UNC13C: variants seen among roughly 807,000 people sequenced by gnomAD.
The protein encoded by UNC13C is protein unc-13 homolog C.
In UNC13C, 174 loss-of-function variants were observed where a neutral mutation model predicts 245.4. The ratio of observed to expected loss-of-function variants is 0.71; its 90% CI spans 0.63 to 0.80. The LOEUF (loss-of-function observed/expected upper bound fraction) is 0.80. Among genes scored for constraint, UNC13C ranks in the 30% least tolerant of loss-of-function variants. The pLI, the probability that UNC13C is intolerant of heterozygous loss-of-function variation, is 0.00. For missense variants in UNC13C, 2,829 were observed against 2,602.9 expected, an observed-to-expected ratio of 1.09 and a Z score of -1.89; for synonymous variants, 992 against 895.1, an observed-to-expected ratio of 1.11 and a Z score of -1.93.
At chr15:54,472,615 G>C (rs1452037016) in intron 19 of UNC13C, among the ~76,000 whole-genome samples, 1 of 151,806 alleles carries the variant, frequency 6.6e-6, no homozygotes, top group Non-Finnish European at 1.5e-5. Context: ...GTCTGAGAAA[G>C]TATTTATCAC....
At chr15:53,947,604 C>A in the UNC13C span, 1 of 152,172 alleles carries the variant, frequency 6.6e-6, no homozygotes, top group African/African-American at 2.4e-5. Context: ...TGTTTGTTCA[C>A]ATCTTTTGTT....
chr15:54,601,688 A>C (rs936911065), intron 30 of UNC13C, among the ~76,000 whole-genome samples: 2 of 152,052 alleles, frequency 1.3e-5, no homozygotes, highest in African/African-American at 4.8e-5. Context: ...GACCTGGTTG[A>C]CTGGTTCGGA....
the UNC13C span, chr15:53,947,646 G>A: frequency 2.0e-5 from 3 of 152,220 alleles, no homozygotes; most frequent in East Asian, 5.8e-4. Flanking sequence ...TTTTTTGAAA[G>A]GGTCATCTGT....
chr15:54,525,668 T>C lies in UNC13C; in HGVS notation c.5546+31T>C, dbSNP rs746589461. 18 of 1,550,130 alleles carry C rather than the reference T, an allele frequency of 1.2e-5. No homozygotes were observed. In the Admixed American group the frequency reaches 1.9e-4, roughly 17 times the overall value. On this transcript the variant is annotated intron_variant, in intron 25 of 32. Coordinates refer to ENST00000260323, the MANE Select transcript of UNC13C (RefSeq NM_001080534.3). Reference sequence around the variant, plus strand: ...TGGCCTCTGTTGTCATTATCTAAATTAGATAATTAGGTGTCAGTTCATGAT... The same window carrying C: ...TGGCCTCTGTTGTCATTATCTAAATCAGATAATTAGGTGTCAGTTCATGAT...
At chr15:54,255,240 C>T (rs1278797995) in intron 8 of UNC13C, among the ~76,000 whole-genome samples, 4 of 152,098 alleles carry the variant, frequency 2.6e-5, no homozygotes, top group Non-Finnish European at 4.4e-5. Flanking sequence ...TTTCTGTATC[C>T]CAGGGTTCTT....
chr15:54,092,168 G>T (rs544453135), intron 2 of UNC13C, among the ~76,000 whole-genome samples: 1 of 152,106 alleles, frequency 6.6e-6, no homozygotes, highest in Non-Finnish European at 1.5e-5. Flanking sequence ...ATCCCAGAAG[G>T]CTCCTTAGCT....
chr15:54,070,814 G>A (rs997074615), intron 2 of UNC13C, among the ~76,000 whole-genome samples: 1 of 152,226 alleles, frequency 6.6e-6, no homozygotes, highest in South Asian at 2.1e-4. Context: ...AGAGAGTGAA[G>A]TAAAGTTTAT....
chr15:53,944,409 G>T, the UNC13C span, among the ~76,000 whole-genome samples: 1 of 151,854 alleles, frequency 6.6e-6, no homozygotes, highest in South Asian at 2.1e-4. Context: ...CCCTCCTCCT[G>T]CCTTCCATCC....
chr15:54,318,549 C>A (rs1269379796), intron 13 of UNC13C, among the ~76,000 whole-genome samples: 3 of 151,840 alleles, frequency 2.0e-5, no homozygotes, highest in Admixed American at 6.6e-5. Context: ...CTATGTGGGT[C>A]TTTTGCCCAT....
intron 18 of UNC13C, among the ~76,000 whole-genome samples, chr15:54,403,900 A>T (rs1050131661): frequency 6.6e-6 from 1 of 152,134 alleles, no homozygotes; most frequent in Non-Finnish European, 1.5e-5. Context: ...TTTATGGTAC[A>T]AGAGAACCTA....
intron 24 of UNC13C, among the ~76,000 whole-genome samples, chr15:54,516,390 A>G (rs1341113833): frequency 2.0e-5 from 3 of 152,150 alleles, no homozygotes; most frequent in African/African-American, 4.8e-5. Flanking sequence ...CCCCCAGTGT[A>G]TTTGATTCAG....
intron 10 of UNC13C, among the ~76,000 whole-genome samples, chr15:54,280,112 CAT>C (rs375327049): frequency 1.8e-4 from 28 of 152,142 alleles, no homozygotes; most frequent in African/African-American, 6.3e-4. Flanking sequence ...ATTTGACTAA[CAT>C]ATTTTCACAA....
At chr15:54,417,222 T>C (rs539520698) in intron 19 of UNC13C, among the ~76,000 whole-genome samples, 13 of 152,282 alleles carry the variant, frequency 8.5e-5, no homozygotes, top group African/African-American at 2.6e-4. Flanking sequence ...TAACTACTTG[T>C]TGAACAAATA....
intron 30 of UNC13C, among the ~76,000 whole-genome samples, chr15:54,608,916 G>A (rs1193775621): frequency 6.6e-6 from 1 of 152,116 alleles, no homozygotes; most frequent in Non-Finnish European, 1.5e-5. Context: ...CCACCCTCTT[G>A]CCTTTTCTGT....
At chr15:54,617,266 C>A (rs1276687822) in intron 30 of UNC13C, among the ~76,000 whole-genome samples, 1 of 151,994 alleles carries the variant, frequency 6.6e-6, no homozygotes, top group African/African-American at 2.4e-5. Flanking sequence ...TGTTTCATAT[C>A]CTGTCTTTTA....
intron 13 of UNC13C, among the ~76,000 whole-genome samples, chr15:54,317,896 C>G (rs1047680245): frequency 3.3e-5 from 5 of 151,838 alleles, no homozygotes; most frequent in Admixed American, 1.3e-4. Context: ...CCCTGCACCC[C>G]CTAACTGCTC....
At chr15:54,450,131 G>A (rs938032738) in intron 19 of UNC13C, among the ~76,000 whole-genome samples, 1 of 152,180 alleles carries the variant, frequency 6.6e-6, no homozygotes, top group Non-Finnish European at 1.5e-5. Flanking sequence ...TCCTCTGGAA[G>A]TTTCGTCTCA....
intron 17 of UNC13C, among the ~76,000 whole-genome samples, chr15:54,340,134 AT>A (rs1256747764): frequency 3.3e-5 from 5 of 151,458 alleles, no homozygotes; most frequent in African/African-American, 9.7e-5. Flanking sequence ...TTCTGATAAG[AT>A]TTTTTTTCTT....
At chr15:54,412,623 G>GATTTTATATTCTGTGACCTTAT (rs1220005162) in intron 18 of UNC13C, among the ~76,000 whole-genome samples, 1 of 152,098 alleles carries the variant, frequency 6.6e-6, no homozygotes, top group African/African-American at 2.4e-5. Flanking sequence ...CAAAATACAT[G>GATTTTATATTCTGTGACCTTAT]ATTTTATATT....
Sources: allele counts gnomAD v4.1 joint callset (sites outside exome capture counted in the v4.1 genomes callset), GRCh38; gene constraint gnomAD v4.1.1; transcripts MANE v1.5; gene names NCBI Gene and HGNC (gene_info 2026-07-23, HGNC 2026-07-21).